CD48: variants seen among roughly 807,000 people sequenced by gnomAD.
The protein encoded by CD48 is CD48 antigen.
In CD48, 20 loss-of-function variants were observed where a neutral mutation model predicts 22.0. The ratio of observed to expected loss-of-function variants is 0.91; its 90% confidence interval spans 0.64 to 1.32. The LOEUF (loss-of-function observed/expected upper bound fraction) is 1.32, where lower values mean the gene tolerates loss of function less well. Among genes scored for constraint, CD48 ranks in the 40% most tolerant of loss-of-function variants. CD48 has a pLI of 0.00. For synonymous variants in CD48, 110 were observed against 110.1 expected (o/e 1.00, Z 0.01); for missense variants, 307 against 286.5 (o/e 1.07, Z -0.52).
At chr1:160,692,231 G>A (rs1662247766) in intron 1 of CD48, 1 of 152,132 alleles carries the variant, frequency 6.6e-6, no homozygotes, top group Admixed American at 6.6e-5. Flanking sequence ...ATAATAGATT[G>A]TAATGAAAAG....
intron 3 of CD48, chr1:160,680,366 G>A (rs1661749309): frequency 6.2e-6 from 1 of 160,456 alleles, no homozygotes; most frequent in Non-Finnish European, 1.3e-5. Context: ...CTAAGGACTT[G>A]TCAGCCACTG....
chr1:160,689,382 A>G (rs1440462974), intron 1 of CD48, among the ~76,000 whole-genome samples: 1 of 152,176 alleles, frequency 6.6e-6, no homozygotes, highest in Non-Finnish European at 1.5e-5. Context: ...ACATAAGCCT[A>G]ATAAGAATAA....
rs566156878 is a variant in CD48, at chr1:160,691,842, C to T, written c.83-6653G>A. The stretch of plus-strand genomic sequence containing the variant: ...ACAAGTCGACAAGAGATCCCGAGTA[C>T]ATCTACAGTCAGCCTTACGGTAAGC... On this transcript the variant is annotated intron_variant, in intron 1 of 3. Coordinates refer to ENST00000368046, the MANE Select transcript of CD48 (RefSeq NM_001778.4). The T allele has an allele frequency of 8.6e-5, 31 of 361,684 alleles. 1 individual carries two copies. In the East Asian group the frequency reaches 1.1e-3, roughly 13 times the overall value. The allele number at this position is 361,684 out of a possible 1,614,324, so 22.4% of individuals were successfully genotyped here.
chr1:160,682,552 G>A (rs1185815436), intron 2 of CD48, among the ~76,000 whole-genome samples: 1 of 141,776 alleles, frequency 7.1e-6, no homozygotes, highest in Non-Finnish European at 1.5e-5. Context: ...GGGAGGGAGG[G>A]AGGCAAGTAG....
rs773768345 is a variant in CD48, at chr1:160,681,486, G to A, written c.386-18C>T. 4 of 1,610,636 alleles carry A rather than the reference G, an allele frequency of 2.5e-6. No homozygotes were observed. The highest frequency in any genetic ancestry group is 2.7e-5 in the African/African-American group (2 of 74,922). On this transcript the variant is annotated intron_variant, in intron 2 of 3. Coordinates refer to ENST00000368046, the MANE Select transcript of CD48 (RefSeq NM_001778.4). ...TACAGGGTCTGAAAGTGAGGAGGAT[G>A]TTATAAGATGAGACAGTGAGGCATT...
chr1:160,705,784 T>C (rs1475522605), intron 1 of CD48, among the ~76,000 whole-genome samples: 1 of 152,194 alleles, frequency 6.6e-6, no homozygotes, highest in Non-Finnish European at 1.5e-5. Context: ...GGCCACATAA[T>C]TCTTTTTTGT....
chr1:160,698,101 C>T (rs1293077287), intron 1 of CD48, among the ~76,000 whole-genome samples: 2 of 152,158 alleles, frequency 1.3e-5, no homozygotes, highest in East Asian at 1.9e-4. Context: ...TTTATACTAT[C>T]GACCTAAATT....
At chr1:160,690,265 C>A (rs368732515) in intron 1 of CD48, among the ~76,000 whole-genome samples, 1 of 152,182 alleles carries the variant, frequency 6.6e-6, no homozygotes, top group African/African-American at 2.4e-5. Context: ...TAAAAATGGG[C>A]CGTGCCTTCC....
intron 1 of CD48, among the ~76,000 whole-genome samples, chr1:160,691,424 T>C (rs890334297): frequency 6.6e-6 from 1 of 152,214 alleles, no homozygotes; most frequent in African/African-American, 2.4e-5. Context: ...TTGAGATGTT[T>C]ATGTGTATGC....
At chr1:160,704,080 G>A (rs1662718990) in intron 1 of CD48, among the ~76,000 whole-genome samples, 1 of 152,132 alleles carries the variant, frequency 6.6e-6, no homozygotes, top group Admixed American at 6.6e-5. Context: ...AATGTATTTA[G>A]AAGCAAGTTA....
At chr1:160,688,706 G>A (rs1332100344) in intron 1 of CD48, among the ~76,000 whole-genome samples, 1 of 152,134 alleles carries the variant, frequency 6.6e-6, no homozygotes, top group African/African-American at 2.4e-5. Flanking sequence ...GGTGTTCTGG[G>A]CTCAGAATGG....
chr1:160,704,542 C>A (rs1662736011), intron 1 of CD48, among the ~76,000 whole-genome samples: 1 of 152,200 alleles, frequency 6.6e-6, no homozygotes, highest in Non-Finnish European at 1.5e-5. Context: ...AATCGGGCTG[C>A]AGGTGGGAAG....
In CD48 at chr1:160,684,910, C is replaced by T; in HGVS notation, c.362G>A (p.Trp121Ter). Residue 121 changes from tryptophan (W) to a stop codon, truncating the protein, a stop_gained, in exon 2 of 4, where the codon TGG becomes TAG. Transcript: ENST00000368046. LOFTEE classifies it high-confidence loss of function. ...ACCAAGCACTTGCAGCTTGATCTTC[C>T]ATTCTTGCTCATTCCCAGTCTTTTT... ...VLKKTGNEQEWKIKLQVLDPV... is the reference protein window; with the variant it reads ...VLKKTGNEQE 6.2e-7 allele frequency: 1 copy of T among 1,614,112 alleles called. No homozygotes were observed.
rs1289990172 is a variant in CD48 at position 160,682,471 on chromosome 1, A to AG, written c.386-1004_386-1003insC. Among the ~76,000 whole-genome samples the AG allele has an allele frequency of 4.6e-4, 69 of 150,526 alleles. No homozygotes were observed. In the South Asian group the frequency reaches 7.0e-3, roughly 15 times the overall value. Reference sequence around the variant, plus strand: ...GAGAAGACCTTCAAAAAAAAAAAAAAAAGAAGAAAGAAAGGAAGAAAGAGA... The same window carrying AG: ...GAGAAGACCTTCAAAAAAAAAAAAAAGAAGAAGAAAGAAAGGAAGAAAGAGA... On this transcript the variant is annotated intron_variant, in intron 2 of 3. Coordinates refer to ENST00000368046, the MANE Select transcript of CD48 (RefSeq NM_001778.4).
intron 1 of CD48, among the ~76,000 whole-genome samples, chr1:160,690,940 A>C (rs1662189445): frequency 6.6e-6 from 1 of 152,194 alleles, no homozygotes; most frequent in South Asian, 2.1e-4. Flanking sequence ...TCTCTGAAAC[A>C]TGTGCTGTGT....
At chr1:160,694,435 TA>T (rs1216310617) in intron 1 of CD48, among the ~76,000 whole-genome samples, 1 of 151,464 alleles carries the variant, frequency 6.6e-6, no homozygotes, top group Non-Finnish European at 1.5e-5. Flanking sequence ...AAAAGACTGT[TA>T]CAGGACTTGT....
At chr1:160,682,179 G>A (rs141416351) in intron 2 of CD48, among the ~76,000 whole-genome samples, 3,886 of 152,064 alleles carry the variant, frequency 0.026, 93 homozygotes, top group Middle Eastern at 0.051. Context: ...CGGGTGCAGC[G>A]GCTCACACCT....
chr1:160,679,056 G>A lies in CD48; in HGVS notation c.728C>T (p.Thr243Ile), dbSNP rs764630236. The change falls in exon 4 of 4, where the codon ACC (threonine) becomes ATC (isoleucine). Residue 243 changes from threonine to isoleucine, a missense_variant. Physicochemically the swap from Thr to Ile is moderately conservative, Grantham distance 89. Coordinates refer to ENST00000368046, the MANE Select transcript of CD48 (RefSeq NM_001778.4). ...CTTGAGTTAAAAGAGCTCATCTCAGGTAAGTAACAGGCCAAGAATGGTGGG... is the reference window on the plus strand; with the variant it reads ...CTTGAGTTAAAAGAGCTCATCTCAGATAAGTAACAGGCCAAGAATGGTGGG... The part of the protein sequence containing the change: ...TVPTILGLLL[T>I] The A allele has an allele frequency of 8.7e-6, 14 of 1,613,002 alleles. No individual in the cohort carries two copies. Among genetic ancestry groups the A allele is most frequent in the Non-Finnish European group, 1.1e-5 (13 of 1,179,092 alleles).
At chr1:160,688,396 G>C (rs527906093) in intron 1 of CD48, among the ~76,000 whole-genome samples, 8 of 152,142 alleles carry the variant, frequency 5.3e-5, no homozygotes, top group Non-Finnish European at 1.0e-4. Flanking sequence ...TCTCAAACTC[G>C]AACCAACATT....
Sources: allele counts gnomAD v4.1 joint callset (sites outside exome capture counted in the v4.1 genomes callset), GRCh38; gene constraint gnomAD v4.1.1; transcripts MANE v1.5; gene names NCBI Gene and HGNC (gene_info 2026-07-23, HGNC 2026-07-21).